The following PTPRK variants were observed in gnomAD, a reference collection of about 807,000 sequenced individuals.
PTPRK encodes receptor-type tyrosine-protein phosphatase kappa.
Under a neutral mutation model 178.0 loss-of-function variants are expected in PTPRK, and 75 were observed. The ratio of observed to expected loss-of-function variants is 0.42; its 90% CI spans 0.35 to 0.51. The LOEUF is 0.51. Among genes scored for constraint, PTPRK ranks in the 20% least tolerant of loss-of-function variants. PTPRK has a pLI of 0.02. For missense variants in PTPRK, 1,441 were observed against 1,797.8 expected, an observed-to-expected ratio of 0.80 and a Z score of 3.59; for synonymous variants, 637 against 620.6, an observed-to-expected ratio of 1.03 and a Z score of -0.39.
chr6:128,300,998 G>A (rs1825516224), intron 3 of PTPRK, among the ~76,000 whole-genome samples: 1 of 148,486 alleles, frequency 6.7e-6, no homozygotes, highest in Non-Finnish European at 1.5e-5. Context: ...AATGTTAGCT[G>A]TTCATTGTTT....
intron 15 of PTPRK, among the ~76,000 whole-genome samples, chr6:128,004,203 G>C (rs974181199): frequency 8.6e-5 from 13 of 151,894 alleles, no homozygotes; most frequent in African/African-American, 3.1e-4. Flanking sequence ...TAAGGCCCAA[G>C]TTATACAAGG....
intron 7 of PTPRK, among the ~76,000 whole-genome samples, chr6:128,159,225 A>G (rs1053895908): frequency 1.3e-5 from 2 of 152,002 alleles, no homozygotes; most frequent in East Asian, 1.9e-4. Context: ...TGAAACCTAA[A>G]TGATCAGTTT....
intron 6 of PTPRK, among the ~76,000 whole-genome samples, chr6:128,192,845 G>A (rs1194579584): frequency 6.8e-6 from 1 of 146,808 alleles, no homozygotes; most frequent in Admixed American, 6.8e-5. Context: ...GGAAGGGGAG[G>A]GGAGGGGAGG....
chr6:128,261,037 T>A (rs1818102069), intron 3 of PTPRK, among the ~76,000 whole-genome samples: 1 of 152,164 alleles, frequency 6.6e-6, no homozygotes, highest in African/African-American at 2.4e-5. Flanking sequence ...TAGTTTCTGT[T>A]TTACCCCTCT....
At position 128,509,781 on chromosome 6, in the gene PTPRK, G is replaced by A. The variant is rs12529042; in HGVS notation, c.100+10478C>T. ...TTAAGACTGGAACATAAGTCCTCCT[G>A]TAGCAAGGCCAGTGCTCTGTGCATT... On this transcript the variant is annotated intron_variant, in intron 1 of 29. Coordinates refer to ENST00000368226, the MANE Select transcript of PTPRK (RefSeq NM_002844.4). Among the ~76,000 whole-genome samples the A allele has an allele frequency of 2.4e-3, 371 of 152,196 alleles. 1 individual carries two copies. The highest frequency in any genetic ancestry group is 0.014 in the Middle Eastern group (4 of 294).
At chr6:128,014,413 T>C (rs1779371500) in intron 13 of PTPRK, among the ~76,000 whole-genome samples, 1 of 150,748 alleles carries the variant, frequency 6.6e-6, no homozygotes, top group Non-Finnish European at 1.5e-5. Context: ...TGTGTGACAA[T>C]GAGCAAGTGA....
chr6:128,090,137 G>GAATA, intron 7 of PTPRK, 145 bp from the exon 8 acceptor site: 1 of 676,860 alleles, frequency 1.5e-6, no homozygotes, highest in Non-Finnish European at 2.4e-6. Flanking sequence ...ATTTATTCAT[G>GAATA]ATCCTATTCT....
At chr6:128,175,448 C>T (rs1422045964) in intron 7 of PTPRK, among the ~76,000 whole-genome samples, 2 of 151,660 alleles carry the variant, frequency 1.3e-5, no homozygotes, top group African/African-American at 4.8e-5. Flanking sequence ...GGAGTTAGTC[C>T]AAACTTTCAG....
intron 2 of PTPRK, among the ~76,000 whole-genome samples, chr6:128,384,159 A>G (rs1838345352): frequency 6.6e-6 from 1 of 152,148 alleles, no homozygotes; most frequent in Non-Finnish European, 1.5e-5. Context: ...TTCCCTTCCT[A>G]ATAAATATTC....
At chr6:128,345,103 G>C (rs1832247981) in intron 2 of PTPRK, among the ~76,000 whole-genome samples, 1 of 151,026 alleles carries the variant, frequency 6.6e-6, no homozygotes, top group Non-Finnish European at 1.5e-5. Flanking sequence ...AGGACTTTAA[G>C]AAGTCAGAGA....
intron 3 of PTPRK, among the ~76,000 whole-genome samples, chr6:128,279,201 T>C (rs1340207145): frequency 2.3e-5 from 2 of 88,250 alleles, no homozygotes; most frequent in Non-Finnish European, 4.7e-5. Flanking sequence ...AAATTTCTAC[T>C]GAGGTTAAAT....
chr6:128,018,885 C>T (rs370588150), intron 13 of PTPRK, among the ~76,000 whole-genome samples: 32 of 152,034 alleles, frequency 2.1e-4, no homozygotes, highest in African/African-American at 7.7e-4. Flanking sequence ...GTTGAATTAT[C>T]TGATGGGTAC....
intron 8 of PTPRK, among the ~76,000 whole-genome samples, chr6:128,088,205 C>T (rs539588754): frequency 3.3e-5 from 5 of 151,984 alleles, no homozygotes; most frequent in African/African-American, 1.2e-4. Flanking sequence ...TGGGGAAACC[C>T]CATCTCTATT....
intron 1 of PTPRK, among the ~76,000 whole-genome samples, chr6:128,490,212 A>T (rs567358173): frequency 6.6e-6 from 1 of 152,298 alleles, no homozygotes; most frequent in East Asian, 1.9e-4. Flanking sequence ...TACTGAATCA[A>T]TGAGACTAAA....
intron 13 of PTPRK, among the ~76,000 whole-genome samples, chr6:128,049,855 G>T (rs1778696294): frequency 6.6e-6 from 1 of 152,214 alleles, no homozygotes; most frequent in South Asian, 2.1e-4. Flanking sequence ...TACAAAGATA[G>T]GCCAGGTGCG....
At chr6:127,995,820 A>G (rs1037463398) in intron 17 of PTPRK, among the ~76,000 whole-genome samples, 2 of 152,144 alleles carry the variant, frequency 1.3e-5, no homozygotes, top group Non-Finnish European at 2.9e-5. Flanking sequence ...AATTGTCTAC[A>G]TAACTGAACT....
rs150102362 is a variant in PTPRK at position 128,270,420 on chromosome 6, T to G, written c.496-27818A>C. Among the ~76,000 whole-genome samples the G allele has an allele frequency of 3.4e-3, 514 of 152,222 alleles. 3 individuals are homozygous for G. Among genetic ancestry groups the G allele is most frequent in the African/African-American group, 0.012 (485 of 41,560 alleles). ...CATTAAATTAGTGACAAATAAAAAT[T>G]TAACTGAGTTCTACTGGCTCAAAGG... On this transcript the variant is annotated intron_variant, in intron 3 of 29. Transcript: ENST00000368226.
At chr6:128,410,863 C>CA (rs1321482033) in intron 1 of PTPRK, among the ~76,000 whole-genome samples, 1 of 152,126 alleles carries the variant, frequency 6.6e-6, no homozygotes, top group Non-Finnish European at 1.5e-5. Context: ...CCTTCAGTGG[C>CA]AAAACTTCCT....
At chr6:128,078,080 C>T (rs1343434531) in intron 11 of PTPRK, among the ~76,000 whole-genome samples, 2 of 151,864 alleles carry the variant, frequency 1.3e-5, no homozygotes, top group African/African-American at 4.8e-5. Context: ...ATTTTCTCAT[C>T]CTATTTCTGA....
Sources: gnomAD v4.1 joint callset for allele counts (sites outside exome capture counted in the v4.1 genomes callset) on GRCh38, gnomAD v4.1.1 for gene constraint, MANE v1.5 for transcripts, NCBI Gene and HGNC (gene_info 2026-07-23, HGNC 2026-07-21) for gene names.